The following UNC13A variants were observed in gnomAD, a reference collection of about 807,000 sequenced individuals.
The protein encoded by UNC13A is unc-13 homolog A.
UNC13A carries 61 observed loss-of-function variants against 219.7 expected under a neutral mutation model. The observed-to-expected ratio is 0.28, with a 90% CI of 0.23 to 0.34. The LOEUF is 0.34. Ranked by LOEUF, UNC13A falls within the 10% of genes least tolerant of loss-of-function variation. The pLI, the probability that UNC13A is intolerant of heterozygous loss-of-function variation, is 1.00. For synonymous variants in UNC13A, 920 were observed against 884.6 expected (o/e 1.04, Z -0.71); for missense variants, 1,476 against 2,270.3 (o/e 0.65, Z 7.11).
intron 41 of UNC13A, among the ~76,000 whole-genome samples, chr19:17,615,322 C>T (rs2144940774): frequency 6.6e-6 from 1 of 152,172 alleles, no homozygotes; most frequent in East Asian, 1.9e-4. Context: ...GTGGCGGCTG[C>T]AGTGACCTGA....
chr19:17,667,241 C>T (rs1287234026), intron 6 of UNC13A, among the ~76,000 whole-genome samples: 1 of 127,162 alleles, frequency 7.9e-6, no homozygotes, highest in Non-Finnish European at 1.7e-5. Context: ...CACAGCGAGA[C>T]TCCGTCTCAA....
At chr19:17,662,625 G>T (rs554416762) in intron 8 of UNC13A, among the ~76,000 whole-genome samples, 82 of 152,162 alleles carry the variant, frequency 5.4e-4, no homozygotes, top group Non-Finnish European at 5.3e-4. Flanking sequence ...GTAGAAAAAC[G>T]GACATTTAAT....
At chr19:17,650,836 G>A (rs2079330637) in intron 12 of UNC13A, among the ~76,000 whole-genome samples, 2 of 151,888 alleles carry the variant, frequency 1.3e-5, no homozygotes, top group Admixed American at 6.6e-5. Context: ...GCACAATCAC[G>A]GCTCACTGTA....
rs373111339 is a variant in UNC13A, at chr19:17,640,562, G to A, written c.2736C>T (p.Thr912=). ...CGGAGGCAGACACGTTGGTGGAGGC[G>A]GTGGTGTGTGCGTAGTAGGCATTGA... The part of the protein sequence containing the change: ...ANINAYYAHT[T]ASTNVSASDR... Residue 912 remains threonine (T), a synonymous_variant, in exon 22 of 44, where the codon ACC becomes ACT. Coordinates refer to ENST00000519716, the MANE Select transcript of UNC13A (RefSeq NM_001080421.3). 2.6e-5 allele frequency: 41 copies of A among 1,559,352 alleles called. No individual in the cohort carries two copies. The Middle Eastern group carries it at 6.4e-4, about 24-fold the overall frequency.
chr19:17,607,462 G>GGTC (rs2076545043), intron 43 of UNC13A, among the ~76,000 whole-genome samples: 1 of 127,582 alleles, frequency 7.8e-6, no homozygotes, highest in African/African-American at 3.2e-5. Flanking sequence ...GGGGGTGGCG[G>GGTC]GGGGGGGGGT....
chr19:17,614,628 G>A (rs921991695), intron 41 of UNC13A, among the ~76,000 whole-genome samples: 3 of 152,062 alleles, frequency 2.0e-5, no homozygotes, highest in Non-Finnish European at 4.4e-5. Context: ...GGTTGGGTCA[G>A]TCAAACGCTG....
intron 12 of UNC13A, among the ~76,000 whole-genome samples, chr19:17,650,822 A>G (rs1056996611): frequency 5.3e-5 from 8 of 152,128 alleles, no homozygotes; most frequent in African/African-American, 1.9e-4. Context: ...GCTGGAGTGC[A>G]GTGGCACAAT....
At chr19:17,628,633 TTGTATAGTTGA>T (rs2076809500) in intron 31 of UNC13A, among the ~76,000 whole-genome samples, 1 of 152,214 alleles carries the variant, frequency 6.6e-6, no homozygotes, top group Admixed American at 6.5e-5. Context: ...CCTAGATGTG[TTGTATAGTTGA>T]ACACACATAC....
chr19:17,624,790 G>T, intron 35 of UNC13A, 39 bp downstream of exon 35: 1 of 1,588,552 alleles, frequency 6.3e-7, no homozygotes, highest in East Asian at 2.2e-5. Flanking sequence ...CGCCAGGGAG[G>T]TGGCCTAAAT....
At chr19:17,607,390 T>C (rs2076543388) in intron 43 of UNC13A, among the ~76,000 whole-genome samples, 1 of 138,344 alleles carries the variant, frequency 7.2e-6, no homozygotes, top group South Asian at 2.4e-4. Flanking sequence ...GCCTCCCTAG[T>C]AGCTGGGATT....
At position 17,675,176 on chromosome 19, in the gene UNC13A, A is replaced by C. The variant is rs564292626; in HGVS notation, c.53-420T>G. ...AACCCTATCTCTACTAAAAAATACAAAAAAATAATTAGCTGGGTGCAGTGG... is the reference window on the plus strand; with the variant it reads ...AACCCTATCTCTACTAAAAAATACACAAAAATAATTAGCTGGGTGCAGTGG... On this transcript the variant is annotated intron_variant, in intron 2 of 43. Transcript: ENST00000519716. 7.2e-5 allele frequency among the ~76,000 whole-genome samples: 11 copies of C among 151,762 alleles called. 1 individual carries two copies. The highest frequency in any genetic ancestry group is 1.5e-4 in the Non-Finnish European group (10 of 67,952).
At chr19:17,652,421 C>T (rs112542073) in intron 12 of UNC13A, among the ~76,000 whole-genome samples, 3,182 of 152,196 alleles carry the variant, frequency 0.021, 104 homozygotes, top group African/African-American at 0.071. Flanking sequence ...CATGAGCCAC[C>T]GCACCCCGCC....
intron 38 of UNC13A, among the ~76,000 whole-genome samples, chr19:17,620,336 A>T (rs4255897): frequency 0.5 from 76,263 of 151,908 alleles, 20,653 homozygotes; most frequent in African/African-American, 0.69. Flanking sequence ...TCATTCCTAG[A>T]GGTATTACTA....
At chr19:17,653,645 G>A (rs976987156) in intron 11 of UNC13A, among the ~76,000 whole-genome samples, 16 of 151,176 alleles carry the variant, frequency 1.1e-4, no homozygotes, top group East Asian at 1.9e-4. Flanking sequence ...CACTGCATCC[G>A]GCTCTGAAAT....
At chr19:17,624,741 T>C (rs942652667) in intron 35 of UNC13A, 88 bp downstream of exon 35, 79 of 1,498,102 alleles carry the variant, frequency 5.3e-5, no homozygotes, top group Non-Finnish European at 6.8e-5. Context: ...GCCTTTGTTC[T>C]TACCCCCCAG....
intron 6 of UNC13A, among the ~76,000 whole-genome samples, chr19:17,667,319 A>G (rs934981102): frequency 2.6e-5 from 4 of 152,120 alleles, no homozygotes; most frequent in African/African-American, 9.6e-5. Flanking sequence ...AGGAGGGAGC[A>G]GGACAAGAGT....
chr19:17,662,784 T>G (rs1370511566), intron 8 of UNC13A, among the ~76,000 whole-genome samples: 4 of 151,894 alleles, frequency 2.6e-5, no homozygotes, highest in South Asian at 2.1e-4. Context: ...GCCGGGCGTG[T>G]TGGCGGACGC....
intron 12 of UNC13A, 97 bp downstream of exon 12, chr19:17,652,534 C>A: frequency 6.7e-7 from 1 of 1,503,484 alleles, no homozygotes; most frequent in Non-Finnish European, 9.2e-7. Context: ...CTAAATGGAA[C>A]CCCTCCTCCT....
intron 35 of UNC13A, among the ~76,000 whole-genome samples, chr19:17,624,420 A>G (rs1227108971): frequency 6.6e-6 from 1 of 152,010 alleles, no homozygotes; most frequent in Admixed American, 6.6e-5. Flanking sequence ...GTGCCTGGCC[A>G]ATGTCTATGC....
Sources: gnomAD v4.1 joint callset for allele counts (sites outside exome capture counted in the v4.1 genomes callset) on GRCh38, gnomAD v4.1.1 for gene constraint, MANE v1.5 for transcripts, NCBI Gene and HGNC (gene_info 2026-07-23, HGNC 2026-07-21) for gene names.